CNTNAP2: variants seen among roughly 807,000 people sequenced by gnomAD.
CNTNAP2 encodes contactin associated protein 2.
Under a neutral mutation model 155.2 loss-of-function variants are expected in CNTNAP2, and 98 were observed. That is an observed-to-expected ratio of 0.63 (90% CI 0.54 to 0.75). The LOEUF is 0.75. CNTNAP2 is among the 30% of genes least tolerant of loss of function. The probability of loss-of-function intolerance (pLI) is 0.00; values close to 1 mark genes in which losing one functional copy is unlikely to be tolerated. For missense variants in CNTNAP2, 1,727 were observed against 1,688.1 expected, an observed-to-expected ratio of 1.02 and a Z score of -0.40; for synonymous variants, 651 against 631.2, an observed-to-expected ratio of 1.03 and a Z score of -0.47.
In CNTNAP2 at chr7:148,118,287, G is replaced by A. The variant is rs759413523; in HGVS notation, c.2553G>A (p.Lys851=). Residue 851 remains lysine, a splice_region_variant and synonymous_variant, in exon 16 of 24, where the codon AAG becomes AAA. Transcript: ENST00000361727. ...AAGATTTCATCAAGCTGGAGCTGAA[G>A]TGTGAGTATAAGTTGCTTGTCAACT... ...GKEDFIKLEL[K]SATEVSFSFD... is the part of the protein sequence containing the mutation. 1.6e-5 allele frequency: 26 copies of A among 1,613,980 alleles called. No individual in the cohort carries two copies. In the East Asian group the frequency reaches 4.5e-4, roughly 28 times the overall value.
chr7:146,202,557 C>T (rs1021322781), intron 1 of CNTNAP2, among the ~76,000 whole-genome samples: 1 of 152,016 alleles, frequency 6.6e-6, no homozygotes, highest in African/African-American at 2.4e-5. Context: ...CCTATGCCCC[C>T]AGAATTTATT....
In CNTNAP2 at chr7:147,458,088, TAATC is replaced by T. The variant is rs138721423; in HGVS notation, c.1671-27843_1671-27840del. On this transcript the variant is annotated intron_variant, in intron 10 of 23. Coordinates refer to ENST00000361727, the MANE Select transcript of CNTNAP2 (RefSeq NM_014141.6). ...TTTATTAAACATTAAATAATGGTGA[TAATC>T]AATAATAATTGATATATTGTCTCTA... is the stretch of plus-strand genomic sequence containing the variant. 3.6e-3 allele frequency among the ~76,000 whole-genome samples: 554 copies of T among 152,004 alleles called. 1 individual carries two copies. Among genetic ancestry groups the T allele is most frequent in the African/African-American group, 4.2e-3 (174 of 41,464 alleles).
intron 2 of CNTNAP2, among the ~76,000 whole-genome samples, chr7:146,810,340 T>C (rs1426566477): frequency 1.3e-5 from 2 of 151,686 alleles, no homozygotes; most frequent in African/African-American, 4.8e-5. Flanking sequence ...TATTTTCATT[T>C]ATTTGGGGCT....
At chr7:147,395,000 G>T (rs1309200883) in intron 9 of CNTNAP2, among the ~76,000 whole-genome samples, 2 of 151,042 alleles carry the variant, frequency 1.3e-5, no homozygotes, top group African/African-American at 4.9e-5. Flanking sequence ...TCAAAGTAGG[G>T]TGGCTGACCC....
At chr7:147,026,115 A>G (rs2129248601) in intron 3 of CNTNAP2, among the ~76,000 whole-genome samples, 1 of 152,134 alleles carries the variant, frequency 6.6e-6, no homozygotes, top group Admixed American at 6.6e-5. Flanking sequence ...CTGCCTCAGC[A>G]TCCCAAAGTG....
chr7:148,167,719 A>G (rs1390750520), intron 17 of CNTNAP2, among the ~76,000 whole-genome samples: 1 of 152,152 alleles, frequency 6.6e-6, no homozygotes, highest in Non-Finnish European at 1.5e-5. Flanking sequence ...GCTGAGAGAG[A>G]CTATGTAATT....
chr7:146,546,722 T>G (rs1798034573), intron 1 of CNTNAP2, among the ~76,000 whole-genome samples: 1 of 151,642 alleles, frequency 6.6e-6, no homozygotes, highest in Non-Finnish European at 1.5e-5. Flanking sequence ...TGGTAGAAGG[T>G]GAAGGAGGAG....
chr7:148,295,180 G>A (rs1249070059), intron 21 of CNTNAP2, among the ~76,000 whole-genome samples: 4 of 152,102 alleles, frequency 2.6e-5, no homozygotes, highest in Non-Finnish European at 5.9e-5. Flanking sequence ...TAAAATTTGT[G>A]ATGATCCACT....
intron 12 of CNTNAP2, among the ~76,000 whole-genome samples, chr7:147,622,375 CAT>C (rs1794875643): frequency 1.3e-5 from 2 of 151,902 alleles, no homozygotes; most frequent in South Asian, 4.1e-4. Context: ...AAGGATAGAC[CAT>C]ATGTTAGGTC....
At chr7:146,851,871 G>A (rs1794886006) in intron 3 of CNTNAP2, among the ~76,000 whole-genome samples, 1 of 151,664 alleles carries the variant, frequency 6.6e-6, no homozygotes, top group South Asian at 2.1e-4. Context: ...ATTTTTTGTA[G>A]TGATGGGTCT....
At chr7:146,620,348 G>T (rs1402624102) in intron 1 of CNTNAP2, among the ~76,000 whole-genome samples, 1 of 152,120 alleles carries the variant, frequency 6.6e-6, no homozygotes, top group African/African-American at 2.4e-5. Context: ...AAAAAGTTGG[G>T]TTCCTGCCAG....
At chr7:147,239,061 AAG>A (rs1159620341) in intron 8 of CNTNAP2, among the ~76,000 whole-genome samples, 1 of 152,220 alleles carries the variant, frequency 6.6e-6, no homozygotes, top group Non-Finnish European at 1.5e-5. Context: ...AAGAAAGAAA[AAG>A]AGAGTGAGAG....
At chr7:147,292,250 T>C (rs1805330836) in intron 8 of CNTNAP2, among the ~76,000 whole-genome samples, 2 of 152,198 alleles carry the variant, frequency 1.3e-5, no homozygotes, top group Non-Finnish European at 2.9e-5. Flanking sequence ...CTTCTCTGTA[T>C]TTATCCAGTT....
At chr7:146,985,569 C>T (rs1485739931) in intron 3 of CNTNAP2, among the ~76,000 whole-genome samples, 1 of 152,058 alleles carries the variant, frequency 6.6e-6, no homozygotes, top group Non-Finnish European at 1.5e-5. Context: ...ATCCACTCGC[C>T]TTGGCCTCCC....
At chr7:148,192,170 C>T (rs1431061103) in intron 18 of CNTNAP2, among the ~76,000 whole-genome samples, 1 of 152,076 alleles carries the variant, frequency 6.6e-6, no homozygotes, top group African/African-American at 2.4e-5. Context: ...AATTTTGTTG[C>T]ATGCATGGAT....
chr7:148,379,803 C>A (rs781703519), intron 21 of CNTNAP2, among the ~76,000 whole-genome samples: 14 of 152,220 alleles, frequency 9.2e-5, no homozygotes, highest in Non-Finnish European at 2.1e-4. Flanking sequence ...AGGCCCCAAG[C>A]ACAGCTCTGT....
At chr7:146,824,031 C>G (rs1159409430) in intron 2 of CNTNAP2, among the ~76,000 whole-genome samples, 3 of 152,066 alleles carry the variant, frequency 2.0e-5, no homozygotes, top group South Asian at 4.1e-4. Context: ...TGCTCTCCCT[C>G]CCCCAGCCCT....
intron 1 of CNTNAP2, among the ~76,000 whole-genome samples, chr7:146,631,851 TTTG>T (rs1231901036): frequency 2.3e-4 from 35 of 152,274 alleles, no homozygotes; most frequent in Non-Finnish European, 3.7e-4. Context: ...AATACTCTCT[TTTG>T]TTGTTGTTCT....
At chr7:146,288,750 T>A (rs1254137555) in intron 1 of CNTNAP2, among the ~76,000 whole-genome samples, 1 of 151,386 alleles carries the variant, frequency 6.6e-6, no homozygotes, top group African/African-American at 2.4e-5. Context: ...ACTTTTGTAA[T>A]CTGCCTATAA....
Sources: gnomAD v4.1 joint callset for allele counts (sites outside exome capture counted in the v4.1 genomes callset) on GRCh38, gnomAD v4.1.1 for gene constraint, MANE v1.5 for transcripts, NCBI Gene and HGNC (gene_info 2026-07-23, HGNC 2026-07-21) for gene names.